CSNK1G1: variants seen among roughly 807,000 people sequenced by gnomAD.
CSNK1G1 encodes the protein casein kinase 1 gamma 1.
Under a neutral mutation model 59.6 loss-of-function variants are expected in CSNK1G1, and 22 were observed. That is an observed-to-expected ratio of 0.37 (90% CI 0.26 to 0.53). CSNK1G1 has a LOEUF of 0.53. Among genes scored for constraint, CSNK1G1 ranks in the 20% least tolerant of loss-of-function variants. CSNK1G1 has a pLI of 0.89. For synonymous variants in CSNK1G1, 179 were observed against 177.1 expected (o/e 1.01, Z -0.08); for missense variants, 384 against 519.5 (o/e 0.74, Z 2.54).
chr15:64,257,844 A>G (rs1892469850), intron 3 of CSNK1G1, among the ~76,000 whole-genome samples: 1 of 152,070 alleles, frequency 6.6e-6, no homozygotes, highest in African/African-American at 2.4e-5. Flanking sequence ...CTAATATTCA[A>G]TCTAAGAGGA....
chr15:64,178,482 CTTTTTTTT>C (rs1175775132), intron 11 of CSNK1G1, among the ~76,000 whole-genome samples: 1 of 123,762 alleles, frequency 8.1e-6, no homozygotes, highest in Non-Finnish European at 1.7e-5. Flanking sequence ...CAAAAATTTT[CTTTTTTTT>C]TTTTTTTTTT....
At chr15:64,183,105 A>C (rs1333645253) in intron 10 of CSNK1G1, among the ~76,000 whole-genome samples, 2 of 152,194 alleles carry the variant, frequency 1.3e-5, no homozygotes, top group African/African-American at 2.4e-5. Flanking sequence ...CTTGGCTTCT[A>C]CTCACACGAA....
chr15:64,181,163 C>G lies in CSNK1G1; in HGVS notation c.1108-709G>C, dbSNP rs151044867. On this transcript the variant is annotated intron_variant, in intron 10 of 11. Coordinates refer to ENST00000303052, the MANE Select transcript of CSNK1G1 (RefSeq NM_022048.5). The stretch of plus-strand genomic sequence containing the variant: ...AGAGGGAAGATGGTAAAAAAACACT[C>G]TCCCTTGGAAAGCCAGTCTTATTTC... 2.4e-3 allele frequency: 3,570 copies of G among 1,497,268 alleles called. 59 individuals carry two copies. In the African/African-American group the frequency reaches 0.043, roughly 18 times the overall value. The allele number at this position is 1,497,268 out of a possible 1,614,324, so 92.7% of individuals were successfully genotyped here. A position where few individuals can be genotyped will look rare whatever the true frequency, so the allele number is the denominator to read the frequency against.
At chr15:64,204,688 A>G in intron 8 of CSNK1G1, 99 bp from the exon 9 acceptor site, 2 of 1,303,728 alleles carry the variant, frequency 1.5e-6, no homozygotes, top group South Asian at 2.5e-5. Flanking sequence ...TTATACAGAC[A>G]ATTTGACACT....
chr15:64,280,358 T>C (rs1185092879), intron 2 of CSNK1G1, among the ~76,000 whole-genome samples: 4 of 151,976 alleles, frequency 2.6e-5, no homozygotes, highest in Non-Finnish European at 4.4e-5. Flanking sequence ...CAGGGCAAAA[T>C]AGGTAGTCAT....
intron 1 of CSNK1G1, among the ~76,000 whole-genome samples, chr15:64,353,473 C>T (rs1300117393): frequency 5.9e-5 from 9 of 151,828 alleles, no homozygotes; most frequent in African/African-American, 1.5e-4. Context: ...GATGACACTT[C>T]GTCTCTACTA....
At chr15:64,278,345 T>A (rs1417038925) in intron 2 of CSNK1G1, among the ~76,000 whole-genome samples, 1 of 149,542 alleles carries the variant, frequency 6.7e-6, no homozygotes. Context: ...CCACACCCAG[T>A]CCAGGGGTAA....
intron 2 of CSNK1G1, among the ~76,000 whole-genome samples, chr15:64,288,638 GA>G (rs998731977): frequency 2.0e-3 from 292 of 148,240 alleles, no homozygotes; most frequent in African/African-American, 6.8e-3. Flanking sequence ...CCCCAACATA[GA>G]AAAAAAAAAT....
intron 1 of CSNK1G1, among the ~76,000 whole-genome samples, chr15:64,323,755 C>T (rs1017812129): frequency 5.3e-5 from 8 of 152,180 alleles, no homozygotes; most frequent in Admixed American, 1.3e-4. Context: ...TCCTTCAAAA[C>T]GCCATTATCC....
Position 64,305,218 on chromosome 15 carries a change from T to TA in CSNK1G1, c.-224-4496dup, listed in dbSNP as rs544626069. ...TGAGATAAAACCCTAACCTGATGTT[T>TA]AAAACACAGGGTAAATTTCAAGAGC... On this transcript the variant is annotated intron_variant, in intron 1 of 11. Coordinates refer to ENST00000303052, the MANE Select transcript of CSNK1G1 (RefSeq NM_022048.5). Among the ~76,000 whole-genome samples, 188 of 152,218 alleles carry TA rather than the reference T, an allele frequency of 1.2e-3. 1 individual carries two copies. The highest frequency in any genetic ancestry group is 4.3e-3 in the African/African-American group (180 of 41,534).
chr15:64,215,631 C>A (rs903198108), intron 5 of CSNK1G1, among the ~76,000 whole-genome samples: 16 of 152,300 alleles, frequency 1.1e-4, no homozygotes, highest in African/African-American at 3.9e-4. Flanking sequence ...GAGACCATTA[C>A]CATTTTAAAC....
intron 1 of CSNK1G1, among the ~76,000 whole-genome samples, chr15:64,324,269 T>C (rs1355727680): frequency 2.0e-5 from 3 of 152,316 alleles, no homozygotes; most frequent in South Asian, 2.1e-4. Flanking sequence ...TGCAAAGTAA[T>C]GTTCCTGGGT....
chr15:64,259,364 T>C (rs1203207322), intron 2 of CSNK1G1, 123 bp from the exon 3 acceptor site: 3 of 647,206 alleles, frequency 4.6e-6, no homozygotes, highest in Non-Finnish European at 7.7e-6. Flanking sequence ...TAAATGAAAC[T>C]TGATTTATAA....
chr15:64,253,822 A>G (rs1892218858), intron 3 of CSNK1G1, among the ~76,000 whole-genome samples: 1 of 152,170 alleles, frequency 6.6e-6, no homozygotes, highest in Non-Finnish European at 1.5e-5. Context: ...CAACGGACAA[A>G]TATTGAATGA....
chr15:64,319,413 T>C (rs1896441629), intron 1 of CSNK1G1, among the ~76,000 whole-genome samples: 1 of 152,080 alleles, frequency 6.6e-6, no homozygotes, highest in African/African-American at 2.4e-5. Context: ...TCAAAGGAAA[T>C]ATACCTTTTT....
At chr15:64,336,228 A>T (rs1432796635) in intron 1 of CSNK1G1, among the ~76,000 whole-genome samples, 1 of 145,912 alleles carries the variant, frequency 6.9e-6, no homozygotes, top group African/African-American at 2.5e-5. Flanking sequence ...AATTTACTTG[A>T]CAAATTATCT....
intron 1 of CSNK1G1, among the ~76,000 whole-genome samples, chr15:64,343,157 A>C (rs1897762414): frequency 7.0e-6 from 1 of 142,938 alleles, no homozygotes; most frequent in South Asian, 2.2e-4. Context: ...GGTTGCAGCG[A>C]GCTGAGATCG....
At chr15:64,255,785 A>C (rs1226928345) in intron 3 of CSNK1G1, among the ~76,000 whole-genome samples, 1 of 152,168 alleles carries the variant, frequency 6.6e-6, no homozygotes, top group Non-Finnish European at 1.5e-5. Flanking sequence ...AGAATTCAGA[A>C]GTTTCTCCGA....
intron 1 of CSNK1G1, among the ~76,000 whole-genome samples, chr15:64,326,402 G>A (rs892848969): frequency 2.6e-5 from 4 of 152,114 alleles, no homozygotes; most frequent in Admixed American, 6.5e-5. Context: ...CCAGCACTTT[G>A]AGAGGCCGAG....
Sources: allele counts gnomAD v4.1 joint callset (sites outside exome capture counted in the v4.1 genomes callset), GRCh38; gene constraint gnomAD v4.1.1; transcripts MANE v1.5; gene names NCBI Gene and HGNC (gene_info 2026-07-23, HGNC 2026-07-21).